NISCH: variants seen among roughly 807,000 people sequenced by gnomAD.
The protein encoded by NISCH is nischarin.
Under a neutral mutation model 138.4 loss-of-function variants are expected in NISCH, and 55 were observed. The ratio of observed to expected loss-of-function variants is 0.40; its 90% CI spans 0.32 to 0.50. The LOEUF is 0.50. Ranked by LOEUF, NISCH falls within the 20% of genes least tolerant of loss-of-function variation. NISCH has a pLI of 0.71. For missense variants in NISCH, 1,643 were observed against 2,005.5 expected, an observed-to-expected ratio of 0.82 and a Z score of 3.45; for synonymous variants, 860 against 861.5, an observed-to-expected ratio of 1.00 and a Z score of 0.03.
chr3:52,483,773 C>T (rs1369527333), intron 13 of NISCH, among the ~76,000 whole-genome samples: 4 of 152,188 alleles, frequency 2.6e-5, no homozygotes, highest in African/African-American at 7.2e-5. Flanking sequence ...AATCAGGGGA[C>T]GGGGTCATGT....
intron 12 of NISCH, 101 bp from the exon 13 acceptor site, chr3:52,480,083 C>G: frequency 3.8e-6 from 5 of 1,313,056 alleles, no homozygotes; most frequent in Non-Finnish European, 5.5e-6. Flanking sequence ...TCTTTACCAC[C>G]CAGTTGGTGG....
chr3:52,477,692 C>A, intron 9 of NISCH, 50 bp downstream of exon 9: 1 of 1,491,104 alleles, frequency 6.7e-7, no homozygotes, highest in Admixed American at 1.7e-5. Context: ...CAAGGCCCCG[C>A]CCTGAGATTT....
At chr3:52,470,059 G>T (rs925998697) in intron 3 of NISCH, among the ~76,000 whole-genome samples, 9 of 149,886 alleles carry the variant, frequency 6.0e-5, no homozygotes, top group Non-Finnish European at 8.9e-5. Flanking sequence ...ACTCCAGCCT[G>T]AGTGACAGAG....
At chr3:52,471,011 C>A in intron 4 of NISCH, 104 bp downstream of exon 4, 2 of 1,167,720 alleles carry the variant, frequency 1.7e-6, no homozygotes, top group Non-Finnish European at 2.6e-6. Flanking sequence ...GCCCACCTAC[C>A]TCCCCTGTAG....
intron 13 of NISCH, among the ~76,000 whole-genome samples, chr3:52,483,550 C>T (rs963957693): frequency 6.6e-6 from 1 of 152,242 alleles, no homozygotes; most frequent in Non-Finnish European, 1.5e-5. Context: ...TTTAGGAACA[C>T]TGTGCATTTA....
Position 52,487,062 on chromosome 3 carries a change from C to A in NISCH, c.1704-134C>A. On this transcript the variant is annotated intron_variant, in intron 15 of 20. Transcript: ENST00000345716. This position sits in a 1 kb window ranked among gnomAD's most constrained non-coding sequence, Gnocchi z 9.1. ...GCCCTCATCCTGGGAACTGACTTGG[C>A]CATGTGGGAGGCTTGGGAGACCCAT... 2.0e-6 allele frequency: 2 copies of A among 1,000,842 alleles called. No homozygotes were observed. Among genetic ancestry groups the A allele is most frequent in the Non-Finnish European group, 2.9e-6 (2 of 691,322 alleles). 62.0% of individuals were successfully genotyped at this position (1,000,842 alleles called of 1,614,324 possible). A position where few individuals can be genotyped will look rare whatever the true frequency, so the allele number is the denominator to read the frequency against.
At position 52,480,302 on chromosome 3, in the gene NISCH, G is replaced by A. The variant is rs1042449090; in HGVS notation, c.1528+7G>A. On this transcript the variant is annotated splice_region_variant and intron_variant, in intron 13 of 20. Coordinates refer to ENST00000345716, the MANE Select transcript of NISCH (RefSeq NM_007184.4). The stretch of plus-strand genomic sequence containing the variant: ...CCCATCCTCTCTAACCAAGGTAATC[G>A]TGTATGTATCTTGCTTCTAGTGGAG... The A allele has an allele frequency of 5.0e-6, 8 of 1,613,630 alleles. No individual in the cohort carries two copies. The African/African-American group carries it at 5.3e-5, about 11-fold the overall frequency.
Position 52,480,722 on chromosome 3 carries a change from A to G in NISCH, c.1528+427A>G, listed in dbSNP as rs529728005. 2.1e-5 allele frequency: 30 copies of G among 1,419,922 alleles called. No individual in the cohort carries two copies. The African/African-American group carries it at 3.3e-4, about 16-fold the overall frequency. 88.0% of individuals were successfully genotyped at this position (1,419,922 alleles called of 1,614,324 possible). On this transcript the variant is annotated intron_variant, in intron 13 of 20. Transcript: ENST00000345716. ...CCTGTGCAGGGAAAAGCTTGCTTTTATCACTGCCTCATCTCTGTGGGGTGA... is the reference window on the plus strand; with the variant it reads ...CCTGTGCAGGGAAAAGCTTGCTTTTGTCACTGCCTCATCTCTGTGGGGTGA...
chr3:52,469,512 A>G (rs1706879690), intron 3 of NISCH, among the ~76,000 whole-genome samples: 1 of 152,214 alleles, frequency 6.6e-6, no homozygotes, highest in African/African-American at 2.4e-5. Context: ...CACACCTGCA[A>G]TCCCAACAAC....
At chr3:52,472,037 G>A (rs565314206) in intron 5 of NISCH, 60 bp downstream of exon 5, 881 of 1,507,184 alleles carry the variant, frequency 5.8e-4, no homozygotes, top group Middle Eastern at 1.6e-3. Flanking sequence ...GCAACCTGCG[G>A]GGGACTGGCT....
At chr3:52,467,123 C>T (rs1280534000) in intron 3 of NISCH, among the ~76,000 whole-genome samples, 2 of 151,100 alleles carry the variant, frequency 1.3e-5, no homozygotes, top group East Asian at 3.9e-4. Flanking sequence ...GCCTCAGACT[C>T]CAGAGTAGCT....
Position 52,487,991 on chromosome 3 carries a change from G to A in NISCH, c.2499G>A (p.Glu833=). 1 of 1,612,506 alleles carries A rather than the reference G, an allele frequency of 6.2e-7. No homozygotes were observed. Among genetic ancestry groups the A allele is most frequent in the Non-Finnish European group, 8.5e-7 (1 of 1,179,966 alleles). The change falls in exon 16 of 21, where the codon GAG becomes GAA. Residue 833 remains glutamate (E), a synonymous_variant. Coordinates refer to ENST00000345716, the MANE Select transcript of NISCH (RefSeq NM_007184.4). The surrounding 1 kb of genome is among the most constrained non-coding windows in gnomAD (Gnocchi z 9.1). ...ILYGSHTSLQ[E]FLRQLLTFYK... is the part of the protein sequence containing the mutation. Reference sequence around the variant, plus strand: ...ACGGCAGCCACACCAGCCTGCAGGAGTTCCTGCGCCAGCTGCTCACCTTCT... The same window carrying A: ...ACGGCAGCCACACCAGCCTGCAGGAATTCCTGCGCCAGCTGCTCACCTTCT...
chr3:52,471,239 T>G, intron 4 of NISCH: 1 of 413,336 alleles, frequency 2.4e-6, no homozygotes, highest in Admixed American at 4.0e-5. Flanking sequence ...ACAGTTATAG[T>G]AGCTCATGTG....
In NISCH at chr3:52,488,160, G is replaced by A. The variant is rs373709550; in HGVS notation, c.2668G>A (p.Val890Met). ...GGCCAGCTGCACACTCTGTTCAGCC[G>A]TGCGGCGCTCCTGCTGCGCGCCCTC... ...EWASCTLCSA[V>M]RRSCCAPSEA... is the part of the protein sequence containing the mutation. The change falls in exon 16 of 21, where the codon GTG becomes ATG. Residue 890 changes from valine to methionine, a missense_variant. Val to Met is a conservative substitution (Grantham distance 21). Transcript: ENST00000345716. 4.3e-5 allele frequency: 70 copies of A among 1,613,184 alleles called. No homozygotes were observed. Among genetic ancestry groups the A allele is most frequent in the Middle Eastern group, 3.3e-4 (2 of 6,084 alleles).
Position 52,487,629 on chromosome 3 carries a change from T to A in NISCH, c.2137T>A (p.Cys713Ser). 1.2e-6 allele frequency: 2 copies of A among 1,613,906 alleles called. No individual in the cohort carries two copies. Among genetic ancestry groups the A allele is most frequent in the Non-Finnish European group, 1.7e-6 (2 of 1,179,996 alleles). ...EHIRILKVLW[C>S]FLIHVQGSIR... The stretch of plus-strand genomic sequence containing the variant: ...CATCCGCATCCTCAAGGTGCTGTGG[T>A]GCTTCCTGATCCATGTGCAGGGCAG... The change falls in exon 16 of 21, where the codon TGC becomes AGC. Residue 713 changes from cysteine to serine, a missense_variant. Physicochemically the swap from Cys to Ser is moderately radical, Grantham distance 112. Transcript: ENST00000345716. This position sits in a 1 kb window ranked among gnomAD's most constrained non-coding sequence, Gnocchi z 9.1.
rs759755576 is a variant in NISCH, at chr3:52,490,271, T to C, written c.3613+40T>C. ...TGCTGGGGCTCAGGAGCTTGGAGTG[T>C]GTGGTTGGGGCAGGCCTGGGGGGTC... is the stretch of plus-strand genomic sequence containing the variant. On this transcript the variant is annotated intron_variant, in intron 18 of 20. Coordinates refer to ENST00000345716, the MANE Select transcript of NISCH (RefSeq NM_007184.4). The C allele has an allele frequency of 5.6e-6, 9 of 1,604,086 alleles. No homozygotes were observed. In the South Asian group the frequency reaches 8.8e-5, roughly 16 times the overall value.
At chr3:52,466,959 T>TTAAC (rs1219648620) in intron 3 of NISCH, among the ~76,000 whole-genome samples, 1 of 151,876 alleles carries the variant, frequency 6.6e-6, no homozygotes, top group East Asian at 1.9e-4. Flanking sequence ...AGGGTGAGTG[T>TTAAC]TAACAGTTTG....
chr3:52,464,185 G>A (rs1471767802), intron 3 of NISCH, among the ~76,000 whole-genome samples: 3 of 151,734 alleles, frequency 2.0e-5, no homozygotes, highest in Non-Finnish European at 4.4e-5. Flanking sequence ...ATCACTTGAG[G>A]CCTGGAGTTC....
intron 13 of NISCH, chr3:52,480,874 C>T: frequency 6.5e-7 from 1 of 1,535,134 alleles, no homozygotes; most frequent in Non-Finnish European, 8.7e-7. Flanking sequence ...CACCTCTGAA[C>T]CCAGGCATCC....
Sources: allele counts gnomAD v4.1 joint callset (sites outside exome capture counted in the v4.1 genomes callset), GRCh38; gene constraint gnomAD v4.1.1; non-coding constraint Gnocchi (gnomAD v3.1); transcripts MANE v1.5; gene names NCBI Gene and HGNC (gene_info 2026-07-23, HGNC 2026-07-21).